The following POU6F2 variants were observed in gnomAD, a reference collection of about 807,000 sequenced individuals.
POU6F2 encodes the protein POU domain, class 6, transcription factor 2.
A neutral mutation model predicts 71.3 loss-of-function variants in POU6F2; 31 were observed. That is an observed-to-expected ratio of 0.43 (90% CI 0.33 to 0.59). POU6F2 has a LOEUF of 0.59. POU6F2 is among the 20% of genes least tolerant of loss of function. The pLI, the probability that POU6F2 is intolerant of heterozygous loss-of-function variation, is 0.04. For missense variants in POU6F2, 783 were observed against 856.8 expected, an observed-to-expected ratio of 0.91 and a Z score of 1.07; for synonymous variants, 347 against 355.7, an observed-to-expected ratio of 0.98 and a Z score of 0.27.
At position 39,194,676 on chromosome 7, in the gene POU6F2, G is replaced by A. The variant is rs1030137781; in HGVS notation, c.278-9559G>A. ...TGAGCTAGCAGTGGTAACCCACTCC[G>A]GTCCCCTTCTACGCTGTGGGATATT... On this transcript the variant is annotated intron_variant, in intron 2 of 9. Coordinates refer to ENST00000518318, the MANE Select transcript of POU6F2 (RefSeq NM_001370959.1). Among the ~76,000 whole-genome samples the A allele has an allele frequency of 3.9e-5, 6 of 152,252 alleles. No individual in the cohort carries two copies. In the East Asian group the frequency reaches 5.8e-4, roughly 15 times the overall value.
chr7:39,434,160 T>A (rs10242113), intron 7 of POU6F2, among the ~76,000 whole-genome samples: 44,288 of 151,292 alleles, frequency 0.29, 6,836 homozygotes, highest in East Asian at 0.52. Flanking sequence ...TGGGTATGAG[T>A]TAACCAAGTA....
intron 7 of POU6F2, among the ~76,000 whole-genome samples, chr7:39,442,081 G>A: frequency 6.6e-6 from 1 of 152,108 alleles, no homozygotes; most frequent in Admixed American, 6.5e-5. Flanking sequence ...CCCATTCTTG[G>A]TGGCTCTCAG....
intron 2 of POU6F2, among the ~76,000 whole-genome samples, chr7:39,172,861 T>A (rs1260211162): frequency 1.3e-5 from 2 of 152,076 alleles, no homozygotes; most frequent in African/African-American, 4.8e-5. Context: ...GCTCAAATGA[T>A]CCACCCGCCT....
intron 6 of POU6F2, among the ~76,000 whole-genome samples, chr7:39,427,864 T>C (rs1318189928): frequency 6.6e-6 from 1 of 152,246 alleles, no homozygotes; most frequent in Admixed American, 6.5e-5. Context: ...ATCAGATGAC[T>C]TGTCTGAATG....
Position 39,169,097 on chromosome 7 carries a change from A to G in POU6F2, c.278-35138A>G, listed in dbSNP as rs550737800. Among the ~76,000 whole-genome samples the G allele has an allele frequency of 1.4e-4, 21 of 152,338 alleles. No individual in the cohort carries two copies. The East Asian group carries it at 3.9e-3, about 28-fold the overall frequency. On this transcript the variant is annotated intron_variant, in intron 2 of 9. Transcript: ENST00000518318. ...GTACATTTTGATAGTATTCTATGAC[A>G]AATTCTGGACTATGAAGAGAATGTG...
chr7:39,406,747 G>A lies in POU6F2; in HGVS notation c.1113+7G>A. 6.2e-7 allele frequency: 1 copy of A among 1,613,024 alleles called. No homozygotes were observed. Among genetic ancestry groups the A allele is most frequent in the Non-Finnish European group, 8.5e-7 (1 of 1,179,864 alleles). ...TACTAATGCACAAGGACAGGTGAGT[G>A]GGAGATGGGAACAAGAGTGCATTTT... On this transcript the variant is annotated splice_region_variant and intron_variant, in intron 6 of 9. Transcript: ENST00000518318.
At chr7:39,294,962 G>T (rs1372354964) in intron 4 of POU6F2, among the ~76,000 whole-genome samples, 1 of 152,116 alleles carries the variant, frequency 6.6e-6, no homozygotes, top group Admixed American at 6.5e-5. Flanking sequence ...CGGGTCCTGG[G>T]GGAATGATCA....
At chr7:39,299,557 A>G (rs1415201617) in intron 4 of POU6F2, among the ~76,000 whole-genome samples, 1 of 152,198 alleles carries the variant, frequency 6.6e-6, no homozygotes, top group Non-Finnish European at 1.5e-5. Flanking sequence ...GCAGAAAACT[A>G]CTTGTAAATA....
Position 39,043,678 on chromosome 7 carries a change from T to A in POU6F2, c.106-42182T>A, listed in dbSNP as rs74641654. On this transcript the variant is annotated intron_variant, in intron 1 of 9. Coordinates refer to ENST00000518318, the MANE Select transcript of POU6F2 (RefSeq NM_001370959.1). ...ATGCCCACACAGATTCCTCAGGCTGTCTAGCATTTACGGTTGTTCAGTAAT... is the reference window on the plus strand; with the variant it reads ...ATGCCCACACAGATTCCTCAGGCTGACTAGCATTTACGGTTGTTCAGTAAT... 3.9e-5 allele frequency among the ~76,000 whole-genome samples: 6 copies of A among 152,108 alleles called. No homozygotes were observed. In the East Asian group the frequency reaches 1.2e-3, roughly 30 times the overall value.
At chr7:39,152,633 T>C (rs1429165811) in intron 2 of POU6F2, among the ~76,000 whole-genome samples, 1 of 152,132 alleles carries the variant, frequency 6.6e-6, no homozygotes, top group South Asian at 2.1e-4. Flanking sequence ...AATCACTCCC[T>C]AGGTCCCCTG....
At chr7:39,453,986 A>G (rs936763210) in intron 8 of POU6F2, among the ~76,000 whole-genome samples, 3 of 152,186 alleles carry the variant, frequency 2.0e-5, no homozygotes, top group Non-Finnish European at 4.4e-5. Flanking sequence ...AGTTGCCACA[A>G]ATTTTGAGCA....
intron 1 of POU6F2, chr7:38,984,735 T>C (rs368307103): frequency 1.5e-4 from 23 of 152,300 alleles, no homozygotes; most frequent in African/African-American, 4.3e-4. Context: ...TTATTATTTC[T>C]GGAGTTTAAT....
intron 4 of POU6F2, among the ~76,000 whole-genome samples, chr7:39,324,156 A>G (rs1785462082): frequency 6.6e-6 from 1 of 152,038 alleles, no homozygotes; most frequent in African/African-American, 2.4e-5. Context: ...TGCAGACAAG[A>G]CAAAATGAGG....
intron 7 of POU6F2, among the ~76,000 whole-genome samples, chr7:39,442,150 G>A (rs1788421252): frequency 6.6e-6 from 1 of 152,044 alleles, no homozygotes; most frequent in Non-Finnish European, 1.5e-5. Context: ...TCTATTTAAT[G>A]GAAATATTTA....
chr7:39,308,641 T>G (rs1260754582), intron 4 of POU6F2, among the ~76,000 whole-genome samples: 1 of 152,212 alleles, frequency 6.6e-6, no homozygotes, highest in Non-Finnish European at 1.5e-5. Context: ...GTTTCCATTC[T>G]TCCTGTCCCC....
At position 39,126,180 on chromosome 7, in the gene POU6F2, G is replaced by A. The variant is rs566302944; in HGVS notation, c.277+40149G>A. On this transcript the variant is annotated intron_variant, in intron 2 of 9. Coordinates refer to ENST00000518318, the MANE Select transcript of POU6F2 (RefSeq NM_001370959.1). ...TGTTAGACCTAACCTTCGTCACCAT[G>A]TAAGCTGAATTCAGCCTTGGCTAAG... is the stretch of plus-strand genomic sequence containing the variant. Among the ~76,000 whole-genome samples the A allele has an allele frequency of 3.3e-5, 5 of 152,326 alleles. No homozygotes were observed. In the South Asian group the frequency reaches 1.0e-3, roughly 32 times the overall value.
chr7:39,199,880 A>G (rs1174327434), intron 2 of POU6F2, among the ~76,000 whole-genome samples: 1 of 152,204 alleles, frequency 6.6e-6, no homozygotes, highest in African/African-American at 2.4e-5. Flanking sequence ...ATGACCTATC[A>G]TTTCCATAAT....
chr7:39,283,653 A>G (rs150129340), intron 4 of POU6F2, among the ~76,000 whole-genome samples: 93 of 152,274 alleles, frequency 6.1e-4, no homozygotes, highest in African/African-American at 2.2e-3. Context: ...AGCATTTTCT[A>G]TATCCATTCA....
chr7:39,238,063 G>A (rs971467893), intron 4 of POU6F2, among the ~76,000 whole-genome samples: 8 of 152,160 alleles, frequency 5.3e-5, no homozygotes, highest in African/African-American at 1.9e-4. Flanking sequence ...GAAAGACACA[G>A]ATGTCTGCAT....
Sources: allele counts gnomAD v4.1 joint callset (sites outside exome capture counted in the v4.1 genomes callset), GRCh38; gene constraint gnomAD v4.1.1; transcripts MANE v1.5; gene names NCBI Gene and HGNC (gene_info 2026-07-23, HGNC 2026-07-21).